Variants in ESRRG observed in about 807,000 individuals in gnomAD.
The protein encoded by ESRRG is estrogen-related receptor gamma.
ESRRG carries 13 observed loss-of-function variants against 44.0 expected under a neutral mutation model. The observed-to-expected ratio is 0.30, with a 90% CI of 0.19 to 0.47. The LOEUF is 0.47. Ranked by LOEUF, ESRRG falls within the 20% of genes least tolerant of loss-of-function variation. The pLI is 1.00. For missense variants in ESRRG, 395 were observed against 580.6 expected, an observed-to-expected ratio of 0.68 and a Z score of 3.29; for synonymous variants, 215 against 214.6, an observed-to-expected ratio of 1.00 and a Z score of -0.02.
At chr1:216,818,297 A>C (rs1457969120) in intron 2 of ESRRG, among the ~76,000 whole-genome samples, 1 of 152,180 alleles carries the variant, frequency 6.6e-6, no homozygotes, top group African/African-American at 2.4e-5. Context: ...TACTGAGAAG[A>C]GCTAAGGTTG....
At chr1:217,084,338 CTTG>C (rs1307636167) in intron 1 of ESRRG, among the ~76,000 whole-genome samples, 10 of 152,202 alleles carry the variant, frequency 6.6e-5, no homozygotes, top group Admixed American at 4.6e-4. Flanking sequence ...GTTAGTTATT[CTTG>C]TTGTGAGTAT....
intron 1 of ESRRG, among the ~76,000 whole-genome samples, chr1:217,108,865 C>T (rs758208078): frequency 2.6e-5 from 4 of 152,068 alleles, no homozygotes; most frequent in Non-Finnish European, 4.4e-5. Context: ...AATGCAAGAA[C>T]GGCCTAACAC....
chr1:216,575,799 A>G (rs2061585046), intron 3 of ESRRG, among the ~76,000 whole-genome samples: 1 of 152,094 alleles, frequency 6.6e-6, no homozygotes, highest in Admixed American at 6.6e-5. Flanking sequence ...ATGAAAACCA[A>G]TTATGGAGGT....
At chr1:216,706,048 C>T (rs1025726401) in intron 1 of ESRRG, among the ~76,000 whole-genome samples, 2 of 152,116 alleles carry the variant, frequency 1.3e-5, no homozygotes, top group Non-Finnish European at 2.9e-5. Context: ...TGCCCTCTTC[C>T]TCCTCGTCCC....
chr1:216,510,213 C>T (rs1031914958), intron 6 of ESRRG, among the ~76,000 whole-genome samples: 3 of 152,134 alleles, frequency 2.0e-5, no homozygotes, highest in East Asian at 1.9e-4. Context: ...ATCAGCATTG[C>T]TGAAAATCTA....
At chr1:216,991,592 GGGATAGCATGGGATGGGATGGGATA>G (rs1274733954) in intron 1 of ESRRG, among the ~76,000 whole-genome samples, 116 of 139,136 alleles carry the variant, frequency 8.3e-4, no homozygotes, top group South Asian at 4.6e-3. Flanking sequence ...AGGCTGGGAT[GGGATAGCATGGGATGGGATGGGATA>G]GGATGGGATG....
intron 2 of ESRRG, among the ~76,000 whole-genome samples, chr1:216,890,158 G>A (rs935356505): frequency 6.6e-6 from 1 of 152,058 alleles, no homozygotes; most frequent in African/African-American, 2.4e-5. Context: ...CCAGTGACTT[G>A]GAAGGCTGGA....
At chr1:216,985,999 G>A (rs1330790154) in intron 1 of ESRRG, among the ~76,000 whole-genome samples, 3 of 152,180 alleles carry the variant, frequency 2.0e-5, no homozygotes, top group African/African-American at 4.8e-5. Flanking sequence ...AAAGCTAAAG[G>A]AGTCTAATCT....
chr1:217,002,334 A>C lies in ESRRG; in HGVS notation c.-105-62661T>G, dbSNP rs1015601717. Among the ~76,000 whole-genome samples, 1,085 of 111,972 alleles carry C rather than the reference A, an allele frequency of 9.7e-3. 19 individuals carry two copies. The highest frequency in any genetic ancestry group is 0.028 in the African/African-American group (1,036 of 37,284). 73.5% of individuals were successfully genotyped at this position (111,972 alleles called of 152,430 possible). On this transcript the variant is annotated intron_variant, in intron 1 of 7. Coordinates refer to the ESRRG transcript ENST00000359162. ...AAAAAAGAAAGAAAGAAAAAAAAAA[A>C]AGAAAGAAAGAAAAGAAAAGAAAGA...
chr1:217,002,307 A>T (rs1224303604), intron 1 of ESRRG, among the ~76,000 whole-genome samples: 5 of 130,900 alleles, frequency 3.8e-5, no homozygotes, highest in Non-Finnish European at 6.1e-5. Context: ...GTCTAAAAAA[A>T]AAAAAAAGAA....
intron 2 of ESRRG, among the ~76,000 whole-genome samples, chr1:216,755,079 G>A (rs1405060987): frequency 6.6e-6 from 1 of 151,834 alleles, no homozygotes; most frequent in East Asian, 1.9e-4. Context: ...AAAGAGAAAG[G>A]GGCTGCATAG....
chr1:216,967,809 C>T (rs899025258), intron 1 of ESRRG, among the ~76,000 whole-genome samples: 1 of 152,106 alleles, frequency 6.6e-6, no homozygotes, highest in Non-Finnish European at 1.5e-5. Context: ...TAAGAAACTG[C>T]CCAAACTGTC....
intron 2 of ESRRG, among the ~76,000 whole-genome samples, chr1:216,809,008 A>G (rs1290280167): frequency 6.6e-6 from 1 of 152,176 alleles, no homozygotes; most frequent in Non-Finnish European, 1.5e-5. Flanking sequence ...AGTCACTATT[A>G]GTTGCCAGGC....
intron 1 of ESRRG, among the ~76,000 whole-genome samples, chr1:216,982,780 C>T (rs2074175772): frequency 6.6e-6 from 1 of 152,144 alleles, no homozygotes. Context: ...TTGGTGATTT[C>T]TAAATCAAGA....
intron 1 of ESRRG, among the ~76,000 whole-genome samples, chr1:216,720,045 C>T (rs189834068): frequency 9.9e-5 from 15 of 152,196 alleles, no homozygotes; most frequent in Admixed American, 3.9e-4. Flanking sequence ...TTATCCACCA[C>T]TCCCATTCAA....
At chr1:217,059,903 T>C (rs543074378) in intron 1 of ESRRG, among the ~76,000 whole-genome samples, 150 of 152,228 alleles carry the variant, frequency 9.9e-4, no homozygotes, top group Non-Finnish European at 1.7e-3. Flanking sequence ...TGTCATTTTT[T>C]AAATGGGAAA....
At chr1:216,568,250 G>A in intron 3 of ESRRG, 152 bp from the exon 4 acceptor site, 2 of 610,818 alleles carry the variant, frequency 3.3e-6, no homozygotes, top group Non-Finnish European at 5.9e-6. Context: ...ATAAGTGGTG[G>A]CTAAATCAAA....
intron 2 of ESRRG, among the ~76,000 whole-genome samples, chr1:216,750,396 G>A (rs983286642): frequency 6.6e-6 from 1 of 151,998 alleles, no homozygotes; most frequent in Non-Finnish European, 1.5e-5. Context: ...TCTATGTCCA[G>A]TTTTCAAAGC....
intron 3 of ESRRG, among the ~76,000 whole-genome samples, chr1:216,582,264 C>A (rs11572749): frequency 0.049 from 7,524 of 152,202 alleles, 242 homozygotes; most frequent in Non-Finnish European, 0.075. Flanking sequence ...AGAAAGCTGA[C>A]CTGTTTTGGT....
Sources: gnomAD v4.1 joint callset for allele counts (sites outside exome capture counted in the v4.1 genomes callset) on GRCh38, gnomAD v4.1.1 for gene constraint, MANE v1.5 for transcripts, NCBI Gene and HGNC (gene_info 2026-07-23, HGNC 2026-07-21) for gene names.